The following PDE3A variants were observed in gnomAD, a reference collection of about 807,000 sequenced individuals.
The protein encoded by PDE3A is phosphodiesterase 3A.
A neutral mutation model predicts 98.3 loss-of-function variants in PDE3A; 43 were observed. The observed-to-expected ratio is 0.44, with a 90% CI of 0.34 to 0.56. PDE3A has a LOEUF of 0.56. Ranked by LOEUF, PDE3A falls within the 20% of genes least tolerant of loss-of-function variation. The pLI is 0.01. For missense variants in PDE3A, 1,427 were observed against 1,440.7 expected, an observed-to-expected ratio of 0.99 and a Z score of 0.15; for synonymous variants, 663 against 567.9, an observed-to-expected ratio of 1.17 and a Z score of -2.38.
intron 1 of PDE3A, among the ~76,000 whole-genome samples, chr12:20,381,343 G>A (rs903440254): frequency 2.6e-5 from 4 of 151,848 alleles, no homozygotes; most frequent in African/African-American, 9.7e-5. Context: ...AAAACTAATG[G>A]TAGTATTTTT....
Position 20,687,095 on chromosome 12 carries a change from C to T in PDE3A, c.*6824C>T, listed in dbSNP as rs1043222321. Among the ~76,000 whole-genome samples the T allele has an allele frequency of 3.3e-5, 5 of 151,948 alleles. No individual in the cohort carries two copies. Among genetic ancestry groups the T allele is most frequent in the South Asian group, 4.2e-4 (2 of 4,818 alleles). On this transcript the variant is annotated 3_prime_UTR_variant, in exon 16 of 16. Transcript: ENST00000359062. ...CTTTTGAAGAGAAAGATTTTCTTTC[C>T]GGTAATTTTACTCCCTAAAAAAGGC... is the stretch of plus-strand genomic sequence containing the variant.
At chr12:20,532,553 C>A (rs1478229320) in intron 1 of PDE3A, among the ~76,000 whole-genome samples, 1 of 152,098 alleles carries the variant, frequency 6.6e-6, no homozygotes, top group Non-Finnish European at 1.5e-5. Flanking sequence ...TACAGATTGG[C>A]AACACCGATG....
At chr12:20,512,782 AGT>A (rs1379409477) in intron 1 of PDE3A, among the ~76,000 whole-genome samples, 1 of 152,096 alleles carries the variant, frequency 6.6e-6, no homozygotes, top group Admixed American at 6.6e-5. Context: ...TTTCCATGAG[AGT>A]GATGACAGAT....
intron 1 of PDE3A, among the ~76,000 whole-genome samples, chr12:20,491,643 A>G (rs1455677389): frequency 8.5e-5 from 13 of 152,174 alleles, no homozygotes; most frequent in Admixed American, 1.3e-4. Context: ...AAATTCACCT[A>G]TGTCATGTAG....
chr12:20,613,337 A>G, intron 2 of PDE3A, 106 bp from the exon 3 acceptor site: 2 of 1,044,350 alleles, frequency 1.9e-6, no homozygotes, highest in Non-Finnish European at 2.9e-6. Context: ...CTGAAATCCT[A>G]AAGAATCAGC....
chr12:20,545,676 T>G (rs968344057), intron 1 of PDE3A, among the ~76,000 whole-genome samples: 3 of 151,580 alleles, frequency 2.0e-5, no homozygotes, highest in Non-Finnish European at 4.4e-5. Context: ...GAGATTTAGA[T>G]TCTGAGAAAG....
intron 2 of PDE3A, among the ~76,000 whole-genome samples, chr12:20,598,802 A>G (rs1943524875): frequency 6.6e-6 from 1 of 152,178 alleles, no homozygotes; most frequent in Non-Finnish European, 1.5e-5. Flanking sequence ...CCTATTTCCA[A>G]GTGCAAATGA....
chr12:20,478,243 A>C (rs1429018644), intron 1 of PDE3A, among the ~76,000 whole-genome samples: 1 of 152,184 alleles, frequency 6.6e-6, no homozygotes, highest in Non-Finnish European at 1.5e-5. Flanking sequence ...TTTGAAGGCA[A>C]CATACCAGAT....
intron 5 of PDE3A, among the ~76,000 whole-genome samples, chr12:20,627,769 T>A (rs945699556): frequency 2.0e-4 from 30 of 152,216 alleles, no homozygotes; most frequent in African/African-American, 7.2e-4. Context: ...TTTTATTTTA[T>A]AACCTACTCC....
chr12:20,503,656 A>T (rs915239790), intron 1 of PDE3A, among the ~76,000 whole-genome samples: 14 of 152,046 alleles, frequency 9.2e-5, no homozygotes, highest in Admixed American at 3.3e-4. Context: ...ATATTATTTT[A>T]AAAAAGTTGT....
intron 5 of PDE3A, among the ~76,000 whole-genome samples, chr12:20,624,417 G>A (rs561374913): frequency 6.6e-6 from 1 of 152,264 alleles, no homozygotes; most frequent in African/African-American, 2.4e-5. Flanking sequence ...CCTGTGTCCT[G>A]ATCCCCAGTT....
intron 1 of PDE3A, among the ~76,000 whole-genome samples, chr12:20,490,844 C>A (rs1028755025): frequency 3.3e-5 from 5 of 152,220 alleles, no homozygotes; most frequent in African/African-American, 1.2e-4. Flanking sequence ...GGGGTGGTGG[C>A]TCATACCTGT....
At position 20,552,869 on chromosome 12, in the gene PDE3A, G is replaced by T. The variant is rs1196220585; in HGVS notation, c.961-3791G>T. The T allele has an allele frequency of 2.0e-5, 33 of 1,613,560 alleles. No individual in the cohort carries two copies. Among genetic ancestry groups the T allele is most frequent in the East Asian group, 8.9e-5 (4 of 44,856 alleles). ...TGCCAGCACAACGTGTGCAAGGACTGCCTGGACAGATCCTTTCGGGCACAG... is the reference window on the plus strand; with the variant it reads ...TGCCAGCACAACGTGTGCAAGGACTTCCTGGACAGATCCTTTCGGGCACAG... On this transcript the variant is annotated intron_variant, in intron 1 of 15. Coordinates refer to ENST00000359062, the MANE Select transcript of PDE3A (RefSeq NM_000921.5). The surrounding 1 kb of genome is among the most constrained non-coding windows in gnomAD (Gnocchi z 5.1).
Position 20,369,006 on chromosome 12 carries a change from G to A in PDE3A, c.-279G>A, listed in dbSNP as rs1943400399. On this transcript the variant is annotated 5_prime_UTR_variant, in exon 1 of 16. Coordinates refer to ENST00000359062, the MANE Select transcript of PDE3A (RefSeq NM_000921.5). Reference sequence around the variant, plus strand: ...GTGAAAGATATTCAAAGAGAGAAAAGGGGAATCCTGATCGTTTCTGCCCGT... The same window carrying A: ...GTGAAAGATATTCAAAGAGAGAAAAAGGGAATCCTGATCGTTTCTGCCCGT... 6.6e-6 allele frequency among the ~76,000 whole-genome samples: 1 copy of A among 152,314 alleles called. No individual in the cohort carries two copies. Among genetic ancestry groups the A allele is most frequent in the East Asian group, 1.9e-4 (1 of 5,160 alleles).
intron 1 of PDE3A, among the ~76,000 whole-genome samples, chr12:20,489,665 G>C (rs1945796043): frequency 1.3e-5 from 2 of 152,120 alleles, no homozygotes; most frequent in Admixed American, 6.5e-5. Context: ...AAAATTTATA[G>C]TTAATCCCCT....
chr12:20,511,334 T>C (rs115492146), intron 1 of PDE3A, among the ~76,000 whole-genome samples: 10,296 of 151,904 alleles, frequency 0.068, 734 homozygotes, highest in African/African-American at 0.18. Flanking sequence ...TGTGAAAAAG[T>C]GGCTTAATCT....
chr12:20,617,172 G>A (rs1321090809), intron 4 of PDE3A, among the ~76,000 whole-genome samples: 1 of 152,022 alleles, frequency 6.6e-6, no homozygotes, highest in Admixed American at 6.6e-5. Flanking sequence ...CCACATCTAT[G>A]TCGTATTATA....
intron 4 of PDE3A, among the ~76,000 whole-genome samples, chr12:20,618,338 T>C (rs1435139296): frequency 2.8e-5 from 4 of 145,284 alleles, no homozygotes; most frequent in African/African-American, 1.0e-4. Context: ...ATTGCTTCCC[T>C]TTTAGCCCTT....
chr12:20,430,135 G>C (rs919954939), intron 1 of PDE3A, among the ~76,000 whole-genome samples: 1 of 152,116 alleles, frequency 6.6e-6, no homozygotes, highest in East Asian at 1.9e-4. Context: ...CATTTTAAGA[G>C]AACAGTGCAC....
Sources: allele counts gnomAD v4.1 joint callset (sites outside exome capture counted in the v4.1 genomes callset), GRCh38; gene constraint gnomAD v4.1.1; non-coding constraint Gnocchi (gnomAD v3.1); transcripts MANE v1.5; gene names NCBI Gene and HGNC (gene_info 2026-07-23, HGNC 2026-07-21).